Variants in CPVL observed in about 807,000 individuals in gnomAD.
CPVL encodes probable serine carboxypeptidase CPVL.
Under a neutral mutation model 63.7 loss-of-function variants are expected in CPVL, and 51 were observed. That is an observed-to-expected ratio of 0.80 (90% CI 0.64 to 1.01). The LOEUF (loss-of-function observed/expected upper bound fraction) is 1.01. Ranked by LOEUF, CPVL falls within the 50% of genes least tolerant of loss-of-function variation. The pLI is 0.00. For synonymous variants in CPVL, 195 were observed against 206.0 expected (o/e 0.95, Z 0.46); for missense variants, 530 against 573.1 (o/e 0.92, Z 0.77).
At chr7:29,071,707 T>TCTCC in intron 9 of CPVL, 66 bp downstream of exon 9, 2 of 867,446 alleles carry the variant, frequency 2.3e-6, no homozygotes, top group Non-Finnish European at 3.7e-6. Context: ...GTGTTCCTGC[T>TCTCC]CACCCGCCCT....
At chr7:29,158,527 T>C (rs1562799728) in intron 5 of CPVL, among the ~76,000 whole-genome samples, 1 of 36,718 alleles carries the variant, frequency 2.7e-5, no homozygotes, top group Non-Finnish European at 6.2e-5. Context: ...CTAGTCTTTA[T>C]GTGATAATAT....
intron 2 of CPVL, among the ~76,000 whole-genome samples, chr7:29,115,984 C>T (rs974035611): frequency 6.6e-6 from 1 of 152,086 alleles, no homozygotes; most frequent in Non-Finnish European, 1.5e-5. Flanking sequence ...TCAGACCTTC[C>T]CTCCTAGGTC....
At chr7:29,044,818 T>C (rs1789460048) in intron 11 of CPVL, among the ~76,000 whole-genome samples, 1 of 152,078 alleles carries the variant, frequency 6.6e-6, no homozygotes, top group African/African-American at 2.4e-5. Context: ...ATTTCTTAGC[T>C]TACTGGGTTT....
At chr7:29,114,895 C>T (rs752740738) in intron 2 of CPVL, among the ~76,000 whole-genome samples, 5 of 152,094 alleles carry the variant, frequency 3.3e-5, no homozygotes, top group Admixed American at 6.5e-5. Context: ...GTGAAATGCA[C>T]CTGCTGACTA....
intron 5 of CPVL, among the ~76,000 whole-genome samples, chr7:29,155,454 C>T (rs545639616): frequency 3.3e-5 from 5 of 152,064 alleles, no homozygotes; most frequent in Non-Finnish European, 5.9e-5. Flanking sequence ...TACTGTAACC[C>T]GAAAAGGTAG....
intron 11 of CPVL, among the ~76,000 whole-genome samples, chr7:29,038,809 G>A (rs183587438): frequency 6.6e-6 from 1 of 152,222 alleles, no homozygotes; most frequent in Non-Finnish European, 1.5e-5. Context: ...TGGATTTGCA[G>A]GTGGTTAAGT....
chr7:29,174,404 A>G (rs568159661), intron 5 of CPVL, among the ~76,000 whole-genome samples: 4 of 152,248 alleles, frequency 2.6e-5, no homozygotes, highest in Admixed American at 2.6e-4. Context: ...TGGAGGCTAC[A>G]CCAGTACATA....
intron 12 of CPVL, among the ~76,000 whole-genome samples, chr7:29,006,889 C>A (rs1785248045): frequency 6.9e-6 from 1 of 145,724 alleles, no homozygotes; most frequent in Non-Finnish European, 1.5e-5. Flanking sequence ...ATTTCTCTAC[C>A]CTACTCCATC....
At chr7:29,031,466 GC>G (rs2128154394) in intron 11 of CPVL, among the ~76,000 whole-genome samples, 1 of 152,188 alleles carries the variant, frequency 6.6e-6, no homozygotes, top group Non-Finnish European at 1.5e-5. Context: ...TAATCCTAAA[GC>G]AATTTTCAAT....
chr7:29,025,767 C>A (rs1787433125), intron 12 of CPVL, among the ~76,000 whole-genome samples: 1 of 152,094 alleles, frequency 6.6e-6, no homozygotes, highest in Non-Finnish European at 1.5e-5. Context: ...GAGGATATAA[C>A]CATCCCAATT....
chr7:29,059,500 A>G (rs1466663822), intron 11 of CPVL, among the ~76,000 whole-genome samples: 1 of 152,358 alleles, frequency 6.6e-6, no homozygotes, highest in African/African-American at 2.4e-5. Flanking sequence ...ATTCTACAGC[A>G]TGATCAAGTG....
At chr7:29,191,418 T>C in intron 1 of CPVL, among the ~76,000 whole-genome samples, 1 of 152,112 alleles carries the variant, frequency 6.6e-6, no homozygotes, top group Admixed American at 6.5e-5. Context: ...TGAACCCTTT[T>C]GGTATGTAGG....
intron 3 of CPVL, among the ~76,000 whole-genome samples, chr7:29,105,231 A>G (rs930761422): frequency 4.6e-5 from 7 of 152,180 alleles, no homozygotes; most frequent in African/African-American, 1.4e-4. Context: ...CCATGTTTAT[A>G]TCATGGCTAA....
chr7:29,056,141 C>G (rs1414879946), intron 11 of CPVL, among the ~76,000 whole-genome samples: 1 of 152,178 alleles, frequency 6.6e-6, no homozygotes, highest in Non-Finnish European at 1.5e-5. Flanking sequence ...ATCAATATCC[C>G]TCACCACAGC....
chr7:29,190,036 C>T (rs1411422640), intron 1 of CPVL, among the ~76,000 whole-genome samples: 2 of 152,238 alleles, frequency 1.3e-5, no homozygotes, highest in Non-Finnish European at 2.9e-5. Context: ...GCTCATTAAC[C>T]CATCCTGGGC....
intron 1 of CPVL, among the ~76,000 whole-genome samples, chr7:29,144,901 A>G (rs931805988): frequency 6.6e-6 from 1 of 152,170 alleles, no homozygotes; most frequent in African/African-American, 2.4e-5. Flanking sequence ...GAATCCCACT[A>G]TAAAGTGATT....
chr7:29,061,264 T>G (rs1791250160), intron 11 of CPVL, among the ~76,000 whole-genome samples: 1 of 151,748 alleles, frequency 6.6e-6, no homozygotes, highest in African/African-American at 2.4e-5. Flanking sequence ...GGAAAAAAAA[T>G]TAGCCAGGCA....
intron 3 of CPVL, among the ~76,000 whole-genome samples, 197 bp downstream of exon 3, chr7:29,112,507 G>A (rs1368366626): frequency 1.3e-5 from 2 of 152,046 alleles, no homozygotes; most frequent in Non-Finnish European, 2.9e-5. Context: ...TCCCACTCCC[G>A]CAGAAAACAT....
chr7:29,015,917 T>C (rs1381433161), intron 12 of CPVL, among the ~76,000 whole-genome samples: 3 of 152,256 alleles, frequency 2.0e-5, no homozygotes, highest in African/African-American at 4.8e-5. Context: ...GTTTATAGGA[T>C]AGCTACTGTG....
Sources: allele counts gnomAD v4.1 joint callset (sites outside exome capture counted in the v4.1 genomes callset), GRCh38; gene constraint gnomAD v4.1.1; transcripts MANE v1.5; gene names NCBI Gene and HGNC (gene_info 2026-07-23, HGNC 2026-07-21).